NHS: variants seen among roughly 807,000 people sequenced by gnomAD.
NHS encodes the protein actin remodeling regulator NHS.
NHS carries 5 observed loss-of-function variants against 72.5 expected under a neutral mutation model. That is an observed-to-expected ratio of 0.07 (90% CI 0.04 to 0.14). NHS has a LOEUF of 0.14. NHS is among the 10% of genes least tolerant of loss of function. The pLI, the probability that NHS is intolerant of heterozygous loss-of-function variation, is 1.00. For missense variants in NHS, 1,072 were observed against 1,355.7 expected, an observed-to-expected ratio of 0.79 and a Z score of 3.29; for synonymous variants, 464 against 547.7, an observed-to-expected ratio of 0.85 and a Z score of 2.13.
At chrX:17,674,684 G>T (rs2066069291) in intron 1 of NHS, among the ~76,000 whole-genome samples, 1 of 111,850 alleles carries the variant, frequency 8.9e-6, no homozygotes, top group African/African-American at 3.3e-5. Context: ...ATTCAAAAAG[G>T]GCTAGTTCAT....
At chrX:17,567,933 G>T (rs1346472652) in intron 1 of NHS, among the ~76,000 whole-genome samples, 2 of 111,442 alleles carry the variant, frequency 1.8e-5, no homozygotes, top group Non-Finnish European at 3.8e-5. Flanking sequence ...GCTATTTAAA[G>T]TATCTTTTCC....
intron 2 of NHS, among the ~76,000 whole-genome samples, chrX:17,689,085 G>T (rs1398165727): frequency 8.9e-6 from 1 of 112,353 alleles, no homozygotes; most frequent in Non-Finnish European, 1.9e-5. Flanking sequence ...TCAAAGTGGA[G>T]AAACAAAATG....
intron 3 of NHS, among the ~76,000 whole-genome samples, chrX:17,717,965 A>C (rs2066374203): frequency 8.9e-6 from 1 of 112,125 alleles, no homozygotes; most frequent in Non-Finnish European, 1.9e-5. Flanking sequence ...AACATAACAA[A>C]GTTACAGTTT....
chrX:17,534,529 T>C (rs767260965), intron 1 of NHS, among the ~76,000 whole-genome samples: 29 of 110,751 alleles, frequency 2.6e-4, no homozygotes, highest in Non-Finnish European at 4.7e-4. Context: ...AGAGAGAAGT[T>C]AAAATTCTAG....
At chrX:17,654,062 C>T (rs766109669) in intron 1 of NHS, among the ~76,000 whole-genome samples, 4 of 18,854 alleles carry the variant, frequency 2.1e-4, no homozygotes, top group Non-Finnish European at 2.7e-4. Flanking sequence ...CCTTAGGGGT[C>T]CAGGTCTGCC....
rs1445369548 is a variant in NHS, at chrX:17,416,819, T to TGTGTGTGTGTGAGA, written c.565+40498_565+40499insTGTGTGTGTGAGAG. 3.2e-3 allele frequency among the ~76,000 whole-genome samples: 315 copies of TGTGTGTGTGTGAGA among 98,168 alleles called. 3 individuals are homozygous for TGTGTGTGTGTGAGA. Among genetic ancestry groups the TGTGTGTGTGTGAGA allele is most frequent in the African/African-American group, 0.012 (299 of 25,404 alleles). The allele number at this position is 98,168 out of a possible 115,157, so 85.2% of individuals were successfully genotyped here. On this transcript the variant is annotated intron_variant, in intron 1 of 8. Coordinates refer to ENST00000676302, the MANE Select transcript of NHS (RefSeq NM_001291867.2). ...GTGTGTGTGTGTGTGTGTGTGTGTG[T>TGTGTGTGTGTGAGA]GAGAGAGAGAGAGAGAGAGAGAGAC...
rs558791023 is a variant in NHS at position 17,695,942 on chromosome X, A to AG, written c.852+3483dup. Among the ~76,000 whole-genome samples, 912 of 93,096 alleles carry AG rather than the reference A, an allele frequency of 9.8e-3. 9 individuals are homozygous for AG. The highest frequency in any genetic ancestry group is 0.013 in the Non-Finnish European group (626 of 46,540). 80.8% of individuals were successfully genotyped at this position (93,096 alleles called of 115,157 possible). A position where few individuals can be genotyped will look rare whatever the true frequency, so the allele number is the denominator to read the frequency against. On this transcript the variant is annotated intron_variant, in intron 3 of 8. Transcript: ENST00000676302. ...AAAGCTTCCTTAAAAAAAAAAAAAA[A>AG]GGGGGGGGGTATCTATTCCATCCTG...
intron 3 of NHS, among the ~76,000 whole-genome samples, chrX:17,695,624 G>A (rs2066224147): frequency 9.0e-6 from 1 of 111,360 alleles, no homozygotes; most frequent in African/African-American, 3.3e-5. Flanking sequence ...TCCTAAGGGT[G>A]CCGTGGGATA....
chrX:17,682,367 T>C (rs2066135307), intron 1 of NHS, among the ~76,000 whole-genome samples: 1 of 111,314 alleles, frequency 9.0e-6, no homozygotes, highest in East Asian at 2.9e-4. Flanking sequence ...TATTAATTGA[T>C]TGATATGCCA....
intron 1 of NHS, among the ~76,000 whole-genome samples, chrX:17,550,374 G>A (rs1173084051): frequency 8.9e-6 from 1 of 112,424 alleles, no homozygotes; most frequent in East Asian, 2.8e-4. Flanking sequence ...GTGGATGCCT[G>A]GGTCAGCCTC....
intron 1 of NHS, among the ~76,000 whole-genome samples, chrX:17,580,954 C>CGGG (rs1242516695): frequency 4.5e-5 from 5 of 112,095 alleles, no homozygotes; most frequent in Non-Finnish European, 9.4e-5. Flanking sequence ...GCGGGGAGGG[C>CGGG]AGTGAGGAAG....
At chrX:17,386,809 G>C (rs1394521332) in intron 1 of NHS, among the ~76,000 whole-genome samples, 2 of 111,629 alleles carry the variant, frequency 1.8e-5, no homozygotes, top group African/African-American at 6.5e-5. Flanking sequence ...TTTTTAACAT[G>C]AGGTTTTCTT....
At chrX:17,719,883 G>A (rs759143876) in intron 4 of NHS, among the ~76,000 whole-genome samples, 3 of 111,194 alleles carry the variant, frequency 2.7e-5, no homozygotes, top group East Asian at 2.8e-4. Context: ...GGAAGGAATC[G>A]CCTACAAAAT....
intron 1 of NHS, among the ~76,000 whole-genome samples, chrX:17,529,262 C>T (rs35108053): frequency 0.27 from 30,557 of 111,161 alleles, 3,746 homozygotes; most frequent in Non-Finnish European, 0.38. Context: ...CTAGGGAAAA[C>T]ACTTTGAACA....
chrX:17,384,065 C>T (rs1046092113), intron 1 of NHS, among the ~76,000 whole-genome samples: 3 of 112,222 alleles, frequency 2.7e-5, no homozygotes, highest in Non-Finnish European at 5.6e-5. Context: ...AACTGCTAAC[C>T]TCTGAAAGGA....
intron 1 of NHS, among the ~76,000 whole-genome samples, chrX:17,507,222 A>C (rs185321249): frequency 2.7e-5 from 3 of 112,350 alleles, no homozygotes; most frequent in Non-Finnish European, 5.6e-5. Context: ...GCCATATATT[A>C]TGGGCTTCAT....
intron 1 of NHS, among the ~76,000 whole-genome samples, chrX:17,603,120 A>G (rs1273176738): frequency 1.8e-5 from 2 of 111,504 alleles, no homozygotes; most frequent in East Asian, 5.7e-4. Flanking sequence ...TGTTGGGATT[A>G]CAGGTGTGAG....
intron 3 of NHS, among the ~76,000 whole-genome samples, chrX:17,712,013 T>C (rs1206009379): frequency 1.9e-5 from 2 of 107,887 alleles, no homozygotes; most frequent in Non-Finnish European, 3.8e-5. Flanking sequence ...GAGATGGAAT[T>C]AAAGGGTATA....
intron 1 of NHS, among the ~76,000 whole-genome samples, chrX:17,440,079 G>A (rs938178820): frequency 3.7e-5 from 4 of 109,255 alleles, no homozygotes; most frequent in African/African-American, 1.3e-4. Flanking sequence ...GGCCAACGTG[G>A]TGAAACCCCC....
Sources: gnomAD v4.1 joint callset for allele counts (sites outside exome capture counted in the v4.1 genomes callset) on GRCh38, gnomAD v4.1.1 for gene constraint, MANE v1.5 for transcripts, NCBI Gene and HGNC (gene_info 2026-07-23, HGNC 2026-07-21) for gene names.